ZNF730: variants seen among roughly 807,000 people sequenced by gnomAD.
ZNF730 encodes the protein putative zinc finger protein 730.
ZNF730 carries 12 observed loss-of-function variants against 12.6 expected under a neutral mutation model. The ratio of observed to expected loss-of-function variants is 0.95; its 90% CI spans 0.61 to 1.54. ZNF730 has a LOEUF of 1.54. ZNF730 is among the 40% of genes most tolerant of loss of function. ZNF730 has a pLI of 0.00. For missense variants in ZNF730, 643 were observed against 583.5 expected (o/e 1.10, Z -1.05); for synonymous variants, 194 against 195.8 (o/e 0.99, Z 0.08).
intron 3 of ZNF730, among the ~76,000 whole-genome samples, chr19:23,140,299 A>G (rs888777781): frequency 6.6e-6 from 1 of 152,146 alleles, no homozygotes; most frequent in East Asian, 1.9e-4. Context: ...ATAATTTTGT[A>G]TCTTTTAATT....
intron 1 of ZNF730, among the ~76,000 whole-genome samples, chr19:23,125,201 C>G (rs1271884796): frequency 6.6e-6 from 1 of 152,144 alleles, no homozygotes; most frequent in Non-Finnish European, 1.5e-5. Context: ...TTCCCAGTCT[C>G]TGGTGTGTTT....
chr19:23,088,771 G>A (rs908865851), intron 1 of ZNF730, among the ~76,000 whole-genome samples: 3 of 152,138 alleles, frequency 2.0e-5, no homozygotes, highest in Non-Finnish European at 4.4e-5. Context: ...AGCGTATTGA[G>A]AGTTTTTAAC....
chr19:23,104,347 A>C (rs557291175), intron 1 of ZNF730, among the ~76,000 whole-genome samples: 1 of 151,512 alleles, frequency 6.6e-6, no homozygotes, highest in Admixed American at 6.6e-5. Context: ...AGGAGCTAAA[A>C]TGTTCACAAA....
chr19:23,098,295 C>T (rs899390563), intron 1 of ZNF730: 3 of 152,168 alleles, frequency 2.0e-5, no homozygotes, highest in Non-Finnish European at 4.4e-5. Context: ...CACATAGGCC[C>T]TGCTCATGGG....
At chr19:23,079,064 C>T (rs902563540) in intron 1 of ZNF730, among the ~76,000 whole-genome samples, 8 of 152,136 alleles carry the variant, frequency 5.3e-5, no homozygotes, top group African/African-American at 1.9e-4. Context: ...CCTCAGCCTC[C>T]CAAAGTGCTG....
At chr19:23,120,001 T>G (rs896680556) in intron 1 of ZNF730, among the ~76,000 whole-genome samples, 3 of 150,212 alleles carry the variant, frequency 2.0e-5, no homozygotes, top group African/African-American at 7.3e-5. Context: ...TCTTTTTTTT[T>G]TTTTTTTTTC....
intron 1 of ZNF730, among the ~76,000 whole-genome samples, chr19:23,120,696 C>G (rs1434145227): frequency 6.6e-6 from 1 of 151,996 alleles, no homozygotes; most frequent in East Asian, 1.9e-4. Context: ...CTTTTCATGT[C>G]TAAATCTCCA....
chr19:23,077,361 G>C (rs914698460), intron 1 of ZNF730, among the ~76,000 whole-genome samples: 1 of 148,076 alleles, frequency 6.8e-6, no homozygotes, highest in African/African-American at 2.5e-5. Context: ...CTCCCAATGT[G>C]CTGGGATTAC....
At chr19:23,079,127 A>G (rs558301181) in intron 1 of ZNF730, among the ~76,000 whole-genome samples, 66 of 151,676 alleles carry the variant, frequency 4.4e-4, no homozygotes, top group Non-Finnish European at 8.8e-4. Context: ...TTTTTAATCA[A>G]TGTTGTCCCT....
chr19:23,142,143 G>A (rs1440496095), intron 3 of ZNF730, among the ~76,000 whole-genome samples: 1 of 152,000 alleles, frequency 6.6e-6, no homozygotes, highest in Non-Finnish European at 1.5e-5. Context: ...ATTTTTTGAG[G>A]TCCTATTTTG....
rs151229279 is a variant in ZNF730, at chr19:23,091,733, C to A, written c.-94+16346C>A. 9.7e-3 allele frequency among the ~76,000 whole-genome samples: 1,471 copies of A among 152,238 alleles called. 54 individuals carry two copies. Among genetic ancestry groups the A allele is most frequent in the Admixed American group, 0.064 (982 of 15,276 alleles). ...CTCATTTGGAATGGCTATATTTACC[C>A]AATGCCTGTACCCCTATTGTATCTA... On this transcript the variant is annotated intron_variant, in intron 1 of 2. Transcript: ENST00000593635.
intron 3 of ZNF730, among the ~76,000 whole-genome samples, chr19:23,140,673 G>A (rs114686989): frequency 6.7e-5 from 10 of 149,328 alleles, no homozygotes; most frequent in Admixed American, 1.3e-4. Context: ...ACTATTTAAG[G>A]CCGGGCGTGG....
At chr19:23,099,809 G>A (rs58285753) in intron 1 of ZNF730, among the ~76,000 whole-genome samples, 2,002 of 152,150 alleles carry the variant, frequency 0.013, 50 homozygotes, top group African/African-American at 0.045. Flanking sequence ...TCTGCCCAAC[G>A]TCTGAGTTAT....
chr19:23,083,417 C>T (rs904597295), intron 1 of ZNF730, among the ~76,000 whole-genome samples: 1 of 152,054 alleles, frequency 6.6e-6, no homozygotes, highest in Non-Finnish European at 1.5e-5. Flanking sequence ...CAGCGAGACT[C>T]CATCTCAAAG....
chr19:23,136,648 A>G lies in ZNF730; in HGVS notation c.226+605A>G, dbSNP rs531978232. Among the ~76,000 whole-genome samples, 4 of 150,822 alleles carry G rather than the reference A, an allele frequency of 2.7e-5. No homozygotes were observed. The East Asian group carries it at 7.8e-4, about 29-fold the overall frequency. ...ATAGTGGTTTCTGTTTCATTTATTT[A>G]TTGCTAATTTTTCTGCATATTCCAT... On this transcript the variant is annotated intron_variant, in intron 3 of 3. Transcript: ENST00000597761.
intron 1 of ZNF730, among the ~76,000 whole-genome samples, chr19:23,088,640 T>C (rs913538246): frequency 1.3e-5 from 2 of 151,336 alleles, no homozygotes; most frequent in African/African-American, 4.9e-5. Flanking sequence ...ATTTTTTGTA[T>C]TTTTAGTAGA....
chr19:23,126,685 C>A, intron 1 of ZNF730: 1 of 479,322 alleles, frequency 2.1e-6, no homozygotes. Flanking sequence ...CTGAATGCAG[C>A]AATGCTTCTT....
chr19:23,135,523 T>A (rs1196530972), intron 2 of ZNF730, among the ~76,000 whole-genome samples: 1 of 152,036 alleles, frequency 6.6e-6, no homozygotes, highest in African/African-American at 2.4e-5. Flanking sequence ...TTTTTTTATT[T>A]TTTTGGAGAC....
At chr19:23,116,142 A>G (rs1970516480), upstream of ZNF730, among the ~76,000 whole-genome samples, 1 of 152,142 alleles carries the variant, frequency 6.6e-6, no homozygotes, top group Admixed American at 6.5e-5. Context: ...TTTGCCTTTA[A>G]TCTGTTTTCT....
Sources: allele counts gnomAD v4.1 joint callset (sites outside exome capture counted in the v4.1 genomes callset), GRCh38; gene constraint gnomAD v4.1.1; transcripts MANE v1.5; gene names NCBI Gene and HGNC (gene_info 2026-07-23, HGNC 2026-07-21).